The following CSMD3 variants were observed in gnomAD, a reference collection of about 807,000 sequenced individuals.
The protein encoded by CSMD3 is CUB and sushi domain-containing protein 3.
In CSMD3, 177 loss-of-function variants were observed where a neutral mutation model predicts 435.2. The ratio of observed to expected loss-of-function variants is 0.41; its 90% CI spans 0.36 to 0.46. The LOEUF is 0.46. Among genes scored for constraint, CSMD3 ranks in the 20% least tolerant of loss-of-function variants. The pLI is 0.34. For synonymous variants in CSMD3, 1,656 were observed against 1,520.5 expected (o/e 1.09, Z -2.07); for missense variants, 4,265 against 4,504.6 (o/e 0.95, Z 1.52).
intron 47 of CSMD3, among the ~76,000 whole-genome samples, chr8:112,318,325 A>T (rs7826278): frequency 0.67 from 101,588 of 151,888 alleles, 35,761 homozygotes; most frequent in African/African-American, 0.89. Context: ...AACACTGTAC[A>T]GCTATCCCCT....
intron 1 of CSMD3, among the ~76,000 whole-genome samples, chr8:113,417,151 C>T (rs963561391): frequency 6.6e-6 from 1 of 151,912 alleles, no homozygotes; most frequent in Non-Finnish European, 1.5e-5. Context: ...AAGCATGTCG[C>T]ACTATAACTA....
chr8:113,132,317 CA>C (rs1389331953), intron 4 of CSMD3, among the ~76,000 whole-genome samples: 3 of 151,978 alleles, frequency 2.0e-5, no homozygotes, highest in African/African-American at 7.2e-5. Context: ...CGGGAGGGAC[CA>C]GGGTTGGAAT....
intron 12 of CSMD3, among the ~76,000 whole-genome samples, chr8:112,824,080 CTTCT>C (rs2079606026): frequency 6.6e-6 from 1 of 152,002 alleles, no homozygotes; most frequent in African/African-American, 2.4e-5. Flanking sequence ...ATGTAATACC[CTTCT>C]TTGTCTTTTT....
chr8:112,897,878 A>G (rs2081997226), intron 10 of CSMD3, among the ~76,000 whole-genome samples: 2 of 151,252 alleles, frequency 1.3e-5, no homozygotes, highest in Non-Finnish European at 1.5e-5. Flanking sequence ...TATTTTTGTT[A>G]TAATCTAACC....
intron 31 of CSMD3, among the ~76,000 whole-genome samples, chr8:112,489,480 T>A (rs998192840): frequency 1.3e-5 from 2 of 152,168 alleles, no homozygotes; most frequent in African/African-American, 4.8e-5. Flanking sequence ...GTCCTGTGTA[T>A]AAGTGCTGAA....
At chr8:113,378,451 G>C (rs1323341163) in intron 1 of CSMD3, among the ~76,000 whole-genome samples, 2 of 152,074 alleles carry the variant, frequency 1.3e-5, no homozygotes, top group Non-Finnish European at 2.9e-5. Flanking sequence ...TATATATTGT[G>C]GTAAGTTATA....
chr8:113,108,673 A>T (rs2090553215), intron 4 of CSMD3, among the ~76,000 whole-genome samples: 2 of 152,206 alleles, frequency 1.3e-5, no homozygotes, highest in Admixed American at 1.3e-4. Flanking sequence ...AAATATACAA[A>T]AACATATCAG....
chr8:112,749,930 G>A lies in CSMD3; in HGVS notation c.1972+50232C>T, dbSNP rs558122099. ...ATTAGAGTACACTCAGGGCAGAGGG[G>A]TCAGGCAATAAGCAACAATGCATCA... On this transcript the variant is annotated intron_variant, in intron 13 of 70. Coordinates refer to ENST00000297405, the MANE Select transcript of CSMD3 (RefSeq NM_198123.2). Among the ~76,000 whole-genome samples the A allele has an allele frequency of 3.3e-5, 5 of 152,162 alleles. No individual in the cohort carries two copies. In the East Asian group the frequency reaches 7.7e-4, roughly 23 times the overall value.
intron 2 of CSMD3, chr8:113,309,676 C>T (rs1397143133): frequency 1.3e-5 from 2 of 152,078 alleles, no homozygotes; most frequent in Non-Finnish European, 2.9e-5. Context: ...GATAATTACT[C>T]CCTGTTTTTA....
At chr8:112,620,824 C>A (rs1048660499) in intron 22 of CSMD3, among the ~76,000 whole-genome samples, 2 of 152,296 alleles carry the variant, frequency 1.3e-5, no homozygotes, top group East Asian at 3.9e-4. Flanking sequence ...GGCTGCATTT[C>A]TCCAATTTGA....
intron 3 of CSMD3, among the ~76,000 whole-genome samples, chr8:113,238,257 T>C (rs949454805): frequency 6.6e-6 from 1 of 152,112 alleles, no homozygotes. Context: ...ATCAGTAATC[T>C]AGGTCAACCT....
intron 45 of CSMD3, among the ~76,000 whole-genome samples, chr8:112,320,895 T>C (rs72674703): frequency 0.2 from 30,052 of 152,088 alleles, 3,652 homozygotes; most frequent in East Asian, 0.39. Flanking sequence ...TATCTGTTTA[T>C]CAAATGTCAT....
intron 7 of CSMD3, among the ~76,000 whole-genome samples, chr8:112,967,305 T>C (rs2084456431): frequency 1.3e-5 from 2 of 151,900 alleles, no homozygotes; most frequent in Non-Finnish European, 2.9e-5. Context: ...ATAATATATG[T>C]TCCCTGCTAA....
At chr8:113,410,280 G>A (rs1207445481) in intron 1 of CSMD3, among the ~76,000 whole-genome samples, 1 of 152,174 alleles carries the variant, frequency 6.6e-6, no homozygotes, top group Non-Finnish European at 1.5e-5. Context: ...GACTCATTAA[G>A]AAGACTGTGT....
intron 22 of CSMD3, among the ~76,000 whole-genome samples, chr8:112,636,488 G>A (rs80316620): frequency 2.6e-4 from 40 of 151,154 alleles, no homozygotes; most frequent in African/African-American, 5.1e-4. Flanking sequence ...CTGTCTATCT[G>A]TCTATCTATA....
intron 36 of CSMD3, among the ~76,000 whole-genome samples, chr8:112,384,432 C>T (rs992868165): frequency 2.6e-5 from 4 of 152,210 alleles, no homozygotes; most frequent in Non-Finnish European, 5.9e-5. Flanking sequence ...TTGCACATCA[C>T]TTGGCACAGC....
At chr8:112,563,484 C>T (rs2123494) in intron 24 of CSMD3, among the ~76,000 whole-genome samples, 1 of 150,886 alleles carries the variant, frequency 6.6e-6, no homozygotes, top group Non-Finnish European at 1.5e-5. Flanking sequence ...ACAGACTTTC[C>T]TAAATTTTAA....
intron 4 of CSMD3, among the ~76,000 whole-genome samples, chr8:113,103,689 A>G (rs1157630864): frequency 6.6e-6 from 1 of 152,012 alleles, no homozygotes; most frequent in Admixed American, 6.6e-5. Context: ...TATAATATAA[A>G]TCTATCATCA....
chr8:112,394,428 C>T (rs935526639), intron 35 of CSMD3, among the ~76,000 whole-genome samples: 2 of 152,128 alleles, frequency 1.3e-5, no homozygotes, highest in African/African-American at 4.8e-5. Context: ...CACTCCCCAG[C>T]TCAATATATT....
Sources: gnomAD v4.1 joint callset for allele counts (sites outside exome capture counted in the v4.1 genomes callset) on GRCh38, gnomAD v4.1.1 for gene constraint, MANE v1.5 for transcripts, NCBI Gene and HGNC (gene_info 2026-07-23, HGNC 2026-07-21) for gene names.